Variants in ZNF35 observed in about 807,000 individuals in gnomAD.
The protein encoded by ZNF35 is zinc finger protein 35 (clone HF.10).
Under a neutral mutation model 45.9 loss-of-function variants are expected in ZNF35, and 31 were observed. The observed-to-expected ratio is 0.68, with a 90% CI of 0.51 to 0.91. The LOEUF (loss-of-function observed/expected upper bound fraction) is 0.91, where lower values mean the gene tolerates loss of function less well. Among genes scored for constraint, ZNF35 ranks in the 40% least tolerant of loss-of-function variants. The pLI is 0.00. For missense variants in ZNF35, 515 were observed against 625.4 expected (o/e 0.82, Z 1.88); for synonymous variants, 205 against 220.2 (o/e 0.93, Z 0.61).
Position 44,659,109 on chromosome 3 carries a change from C to A in ZNF35, c.746C>A (p.Pro249His). Reference protein sequence around the residue: ...VHQRIHTGEKPFECHECGKAF... With the variant: ...VHQRIHTGEKHFECHECGKAF... ...CAGCGAATCCACACTGGAGAGAAACCCTTTGAATGTCATGAGTGTGGGAAG... is the reference window on the plus strand; with the variant it reads ...CAGCGAATCCACACTGGAGAGAAACACTTTGAATGTCATGAGTGTGGGAAG... The change falls in exon 4 of 4, where the codon CCC (proline) becomes CAC (histidine). Residue 249 changes from proline (P) to histidine (H), a missense_variant. Pro to His is a moderately conservative substitution (Grantham distance 77). Transcript: ENST00000396056. This position sits in a 1 kb window ranked among gnomAD's most constrained non-coding sequence, Gnocchi z 4.3. The A allele has an allele frequency of 6.2e-7, 1 of 1,614,154 alleles. No individual in the cohort carries two copies. The highest frequency in any genetic ancestry group is 8.5e-7 in the Non-Finnish European group (1 of 1,180,010).
Position 44,651,232 on chromosome 3 carries a change from C to A in ZNF35, c.165C>A (p.Gly55=), listed in dbSNP as rs1474587653. Residue 55 remains glycine, a synonymous_variant, in exon 2 of 4, where the codon GGC becomes GGA. Transcript: ENST00000396056. ...CCCCAGTGCAGGGTCTTCAGACAGG[C>A]CTTGATGGATCAGAAGAGGAAGAAA... is the stretch of plus-strand genomic sequence containing the variant. The part of the protein sequence containing the change: ...VWAPVQGLQT[G]LDGSEEEEKG... 2 of 1,613,604 alleles carry A rather than the reference C, an allele frequency of 1.2e-6. No homozygotes were observed. The highest frequency in any genetic ancestry group is 1.3e-5 in the African/African-American group (1 of 74,874).
intron 3 of ZNF35, among the ~76,000 whole-genome samples, chr3:44,656,113 A>AGAAC (rs1703295703): frequency 6.6e-6 from 1 of 152,186 alleles, no homozygotes; most frequent in African/African-American, 2.4e-5. Flanking sequence ...GTAACAGTAG[A>AGAAC]GAACACAAAG....
chr3:44,648,634 G>T (rs1356681892), upstream of ZNF35: 1 of 152,156 alleles, frequency 6.6e-6, no homozygotes, highest in Non-Finnish European at 1.5e-5. Flanking sequence ...CTGGTCTGGG[G>T]CGACATTGGA....
chr3:44,654,424 A>G (rs74545640), intron 3 of ZNF35, among the ~76,000 whole-genome samples: 3,292 of 152,266 alleles, frequency 0.022, 70 homozygotes, highest in African/African-American at 0.053. Context: ...CCTGTTCTAC[A>G]AATTGGGTGT....
chr3:44,646,532 C>A, upstream of ZNF35: 1 of 1,383,662 alleles, frequency 7.2e-7, no homozygotes, highest in Non-Finnish European at 1.0e-6. Flanking sequence ...ATAAAAGACA[C>A]CACGAGAAAC....
At chr3:44,646,647 T>C, upstream of ZNF35, 1 of 681,262 alleles carries the variant, frequency 1.5e-6, no homozygotes, top group South Asian at 1.7e-5. Context: ...TCAAGCTGTC[T>C]TGAGTCTGCT....
At chr3:44,647,183 G>C (rs1703000562), upstream of ZNF35, 1 of 152,060 alleles carries the variant, frequency 6.6e-6, no homozygotes, top group Non-Finnish European at 1.5e-5. Flanking sequence ...ACATTTCACT[G>C]AAGTATAGAT....
intron 3 of ZNF35, among the ~76,000 whole-genome samples, chr3:44,654,794 CT>C (rs1303002065): frequency 4.6e-5 from 7 of 152,124 alleles, no homozygotes; most frequent in Non-Finnish European, 1.5e-5. Context: ...TGTATTTTTT[CT>C]TTAACTTATG....
chr3:44,653,667 C>T (rs1186898954), intron 3 of ZNF35, among the ~76,000 whole-genome samples: 1 of 152,118 alleles, frequency 6.6e-6, no homozygotes, highest in South Asian at 2.1e-4. Context: ...ACTAGGTCTT[C>T]GTGAAGGGTA....
intron 1 of ZNF35, among the ~76,000 whole-genome samples, chr3:44,649,114 A>G (rs1482371623): frequency 6.6e-6 from 1 of 152,208 alleles, no homozygotes; most frequent in African/African-American, 2.4e-5. Context: ...ATGGATTGCC[A>G]CGTTTGGAAA....
chr3:44,649,469 TA>T (rs930670998), intron 1 of ZNF35, among the ~76,000 whole-genome samples: 22 of 152,152 alleles, frequency 1.4e-4, no homozygotes, highest in African/African-American at 5.3e-4. Context: ...CCTTTTCCAA[TA>T]AAACATTCAA....
Position 44,659,540 on chromosome 3 carries a change from A to G in ZNF35, c.1177A>G (p.Lys393Glu), listed in dbSNP as rs1393309543. Residue 393 changes from lysine to glutamate, a missense_variant, in exon 4 of 4, where the codon AAA becomes GAA. Physicochemically the swap from Lys to Glu is moderately conservative, Grantham distance 56. This residue lies in a region of ZNF35 where 232 missense variants were observed against 304.6 expected (regional missense o/e 0.76). Coordinates refer to ENST00000396056, the MANE Select transcript of ZNF35 (RefSeq NM_003420.4). This position sits in a 1 kb window ranked among gnomAD's most constrained non-coding sequence, Gnocchi z 4.3. ...TACTGGTGAGAAGCCATATGAGTGT[A>G]AAGAGTGTGGGAAAGCCTTTAGTTG... The part of the protein sequence containing the change: ...SHTGEKPYEC[K>E]ECGKAFSCFS... 1.2e-6 allele frequency: 2 copies of G among 1,613,944 alleles called. No individual in the cohort carries two copies. Among genetic ancestry groups the G allele is most frequent in the African/African-American group, 2.7e-5 (2 of 74,892 alleles).
At chr3:44,656,004 C>T (rs3772377) in intron 3 of ZNF35, among the ~76,000 whole-genome samples, 1 of 152,026 alleles carries the variant, frequency 6.6e-6, no homozygotes, top group African/African-American at 2.4e-5. Flanking sequence ...GGGAGGCCCA[C>T]GTGTCAGTGA....
intron 3 of ZNF35, 103 bp from the exon 4 acceptor site, chr3:44,658,598 G>A: frequency 7.9e-7 from 1 of 1,261,184 alleles, no homozygotes; most frequent in Non-Finnish European, 1.1e-6. Flanking sequence ...AAGCCATTTT[G>A]TGGAGGTGCT....
Position 44,658,784 on chromosome 3 carries a change from A to G in ZNF35, c.421A>G (p.Arg141Gly). 3 of 1,608,748 alleles carry G rather than the reference A, an allele frequency of 1.9e-6. No individual in the cohort carries two copies. The highest frequency in any genetic ancestry group is 2.5e-6 in the Non-Finnish European group (3 of 1,178,822). Residue 141 changes from arginine to glycine, a missense_variant, in exon 4 of 4, where the codon AGA (arginine) becomes GGA (glycine). Transcript: ENST00000396056. ...EAEKPLIISE[R>G]IQKADPQGPE... The stretch of plus-strand genomic sequence containing the variant: ...TGAAAAACCCCTCATCATATCAGAA[A>G]GAATCCAGAAAGCTGATCCTCAAGG...
At chr3:44,653,724 G>A (rs1703247002) in intron 3 of ZNF35, among the ~76,000 whole-genome samples, 1 of 152,194 alleles carries the variant, frequency 6.6e-6, no homozygotes, top group South Asian at 2.1e-4. Flanking sequence ...CTAGAGAAAG[G>A]GTAGTATGTT....
At chr3:44,655,742 C>T (rs1489365175) in intron 3 of ZNF35, among the ~76,000 whole-genome samples, 1 of 152,232 alleles carries the variant, frequency 6.6e-6, no homozygotes, top group Non-Finnish European at 1.5e-5. Context: ...TGATGAATCA[C>T]TTGCATGAAA....
At position 44,659,615 on chromosome 3, in the gene ZNF35, T is replaced by A; in HGVS notation, c.1252T>A (p.Tyr418Asn). The A allele has an allele frequency of 6.2e-7, 1 of 1,614,138 alleles. No homozygotes were observed. The highest frequency in any genetic ancestry group is 1.1e-5 in the South Asian group (1 of 91,068). Residue 418 changes from tyrosine (Y) to asparagine (N), a missense_variant, in exon 4 of 4, where the codon TAC becomes AAC. Tyr to Asn is a moderately radical substitution (Grantham distance 143, BLOSUM62 -2). Around this residue, in one of 3 missense-constraint regions of ZNF35, gnomAD observed 232 missense variants for 304.6 expected, o/e 0.76. Transcript: ENST00000396056. The surrounding 1 kb of genome is among the most constrained non-coding windows in gnomAD (Gnocchi z 4.3). ...HQRIHTAEKPYDCSECGKAFS... is the reference protein window; with the variant it reads ...HQRIHTAEKPNDCSECGKAFS... ...GAGAATTCACACTGCAGAGAAACCT[T>A]ACGACTGCAGCGAATGTGGGAAAGC...
intron 3 of ZNF35, among the ~76,000 whole-genome samples, chr3:44,656,562 T>C (rs1319919220): frequency 6.6e-6 from 1 of 152,030 alleles, no homozygotes; most frequent in Non-Finnish European, 1.5e-5. Flanking sequence ...ACCTATTTTT[T>C]TTGTATTTTT....
Sources: gnomAD v4.1 joint callset for allele counts (sites outside exome capture counted in the v4.1 genomes callset) on GRCh38, gnomAD v4.1.1 for gene constraint, gnomAD v4.1.1 regional missense constraint, Gnocchi (gnomAD v3.1) non-coding constraint, MANE v1.5 for transcripts, NCBI Gene and HGNC (gene_info 2026-07-23, HGNC 2026-07-21) for gene names.